The following CACNA1C variants were observed in gnomAD, a reference collection of about 807,000 sequenced individuals.
CACNA1C encodes calcium voltage-gated channel subunit alpha1 C, also known as voltage-dependent L-type calcium channel subunit alpha-1C.
Under a neutral mutation model 229.0 loss-of-function variants are expected in CACNA1C, and 30 were observed. The observed-to-expected ratio is 0.13, with a 90% CI of 0.10 to 0.18. The LOEUF (loss-of-function observed/expected upper bound fraction) is 0.18, where lower values mean the gene tolerates loss of function less well. Among genes scored for constraint, CACNA1C ranks in the 10% least tolerant of loss-of-function variants. The pLI, the probability that CACNA1C is intolerant of heterozygous loss-of-function variation, is 1.00. For missense variants in CACNA1C, 1,658 were observed against 2,845.0 expected (o/e 0.58, Z 9.49); for synonymous variants, 1,114 against 1,132.5 (o/e 0.98, Z 0.33).
At chr12:2,057,683 ACGTCTGTTCCCTTC>A (rs2055722610) in intron 1 of CACNA1C, among the ~76,000 whole-genome samples, 2 of 152,076 alleles carry the variant, frequency 1.3e-5, no homozygotes, top group Admixed American at 1.3e-4. Flanking sequence ...CTTCCCACAG[ACGTCTGTTCCCTTC>A]CAGCACAGAC....
chr12:2,411,729 T>G (rs1039020998), intron 3 of CACNA1C, among the ~76,000 whole-genome samples: 2 of 152,202 alleles, frequency 1.3e-5, no homozygotes, highest in African/African-American at 2.4e-5. Flanking sequence ...TCCTCAGGTG[T>G]GTGCAGGGGA....
chr12:2,376,606 C>T (rs2098078067), intron 3 of CACNA1C, among the ~76,000 whole-genome samples: 1 of 152,128 alleles, frequency 6.6e-6, no homozygotes, highest in Admixed American at 6.5e-5. Flanking sequence ...AAGGATTGTC[C>T]TACCTTTCTG....
chr12:2,193,168 G>A (rs756076029), intron 3 of CACNA1C, among the ~76,000 whole-genome samples: 2 of 152,234 alleles, frequency 1.3e-5, no homozygotes, highest in Admixed American at 6.5e-5. Flanking sequence ...AACTTGTCAC[G>A]TCAAGGCCGG....
chr12:2,415,463 C>T (rs1253133546), intron 3 of CACNA1C, among the ~76,000 whole-genome samples: 1 of 152,206 alleles, frequency 6.6e-6, no homozygotes, highest in Non-Finnish European at 1.5e-5. Flanking sequence ...AGGAAATATT[C>T]AGCTTTTCTT....
chr12:2,548,211 G>A (rs1279884979), intron 9 of CACNA1C, among the ~76,000 whole-genome samples: 2 of 152,132 alleles, frequency 1.3e-5, no homozygotes, highest in South Asian at 4.1e-4. Context: ...CCATCCCTAA[G>A]GGCTGGTCTC....
chr12:2,396,586 C>A (rs1002655552), intron 3 of CACNA1C, among the ~76,000 whole-genome samples: 1 of 152,166 alleles, frequency 6.6e-6, no homozygotes, highest in African/African-American at 2.4e-5. Context: ...GCTGAGGATC[C>A]CAAAACTTAG....
chr12:2,140,357 C>T (rs1413860954), intron 3 of CACNA1C, among the ~76,000 whole-genome samples: 1 of 151,410 alleles, frequency 6.6e-6, no homozygotes, highest in Non-Finnish European at 1.5e-5. Context: ...GGTGTCTGTT[C>T]TTAACACAGT....
upstream of CACNA1C, among the ~76,000 whole-genome samples, chr12:2,048,827 G>C (rs2051553007): frequency 6.6e-6 from 1 of 152,160 alleles, no homozygotes; most frequent in Admixed American, 6.5e-5. Flanking sequence ...TGGCAACCTG[G>C]CTTTTCAAGC....
chr12:2,624,160 C>T (rs111727975), intron 29 of CACNA1C, among the ~76,000 whole-genome samples: 496 of 152,260 alleles, frequency 3.3e-3, no homozygotes, highest in African/African-American at 9.9e-3. Context: ...TTTTTTGTAA[C>T]GCCGATGAAC....
rs1391136601 is a variant in CACNA1C at position 2,593,251 on chromosome 12, C to G, written c.2569C>G (p.Pro857Ala). Residue 857 changes from proline (P) to alanine (A), a missense_variant, in exon 19 of 47, where the codon CCT becomes GCT. Pro to Ala is a conservative substitution (Grantham distance 27). Transcript: ENST00000399655. The stretch of plus-strand genomic sequence containing the variant: ...GGAGGAGCCAGAGATGCCTGTCGGC[C>G]CTCGCCCACGACCACTCTCTGAGCT... ...DEEEPEMPVG[P>A]RPRPLSELHL... The G allele has an allele frequency of 2.5e-6, 4 of 1,613,616 alleles. No individual in the cohort carries two copies. The highest frequency in any genetic ancestry group is 3.4e-6 in the Non-Finnish European group (4 of 1,179,814).
chr12:2,352,909 G>A (rs2097248737), intron 3 of CACNA1C, among the ~76,000 whole-genome samples: 1 of 152,184 alleles, frequency 6.6e-6, no homozygotes, highest in Non-Finnish European at 1.5e-5. Flanking sequence ...GCAGTGGCGA[G>A]GACCAAATCA....
At chr12:2,686,133 G>T (rs139824963) in intron 44 of CACNA1C, 33 bp from the exon 45 acceptor site, 1 of 1,558,958 alleles carries the variant, frequency 6.4e-7, no homozygotes, top group Non-Finnish European at 8.9e-7. Flanking sequence ...CTGTTTTCCT[G>T]CCCTGATGGT....
chr12:2,508,485 A>G (rs1346511486), intron 8 of CACNA1C, among the ~76,000 whole-genome samples: 2 of 152,240 alleles, frequency 1.3e-5, no homozygotes, highest in African/African-American at 4.8e-5. Context: ...CCCTTTCTCT[A>G]CAAAGAAAAT....
At chr12:2,550,513 G>A (rs752383052) in intron 10 of CACNA1C, 1 of 1,341,298 alleles carries the variant, frequency 7.5e-7, no homozygotes, top group African/African-American at 1.5e-5. Flanking sequence ...TGGCATGTGG[G>A]TCCTTACCTG....
At chr12:2,238,703 GGAA>G (rs1228082543) in intron 3 of CACNA1C, among the ~76,000 whole-genome samples, 1 of 152,172 alleles carries the variant, frequency 6.6e-6, no homozygotes, top group Non-Finnish European at 1.5e-5. Context: ...AGAGTGTCCT[GGAA>G]AGGTGTTCCC....
At chr12:2,457,339 G>A (rs557420610) in intron 4 of CACNA1C, among the ~76,000 whole-genome samples, 51 of 152,304 alleles carry the variant, frequency 3.3e-4, no homozygotes, top group African/African-American at 1.2e-3. Context: ...CCCTCAGCTC[G>A]CTCAGGCCTC....
intron 9 of CACNA1C, among the ~76,000 whole-genome samples, chr12:2,526,787 A>G (rs1257613690): frequency 6.6e-6 from 1 of 152,240 alleles, no homozygotes; most frequent in Non-Finnish European, 1.5e-5. Flanking sequence ...TAAGAAGAGA[A>G]TGAATAAAGA....
intron 3 of CACNA1C, among the ~76,000 whole-genome samples, chr12:2,270,635 C>T (rs2084516998): frequency 6.6e-6 from 1 of 152,198 alleles, no homozygotes; most frequent in Non-Finnish European, 1.5e-5. Context: ...CAGACAGGAA[C>T]TCAGGAGGCC....
In CACNA1C at chr12:2,677,393, C is replaced by A. The variant is rs950484916; in HGVS notation, c.4956+172C>A. The A allele has an allele frequency of 1.4e-6, 1 of 701,018 alleles. No homozygotes were observed. 43.4% of individuals were successfully genotyped at this position (701,018 alleles called of 1,614,324 possible). ...ATGGCTGTGAGAAGGGGGTGATGTG[C>A]CCTTCCCTACCTGCCACCCACCGAC... On this transcript the variant is annotated intron_variant, in intron 40 of 46. Coordinates refer to ENST00000399655, the MANE Select transcript of CACNA1C (RefSeq NM_000719.7). This position sits in a 1 kb window ranked among gnomAD's most constrained non-coding sequence, Gnocchi z 7.4.
Sources: allele counts gnomAD v4.1 joint callset (sites outside exome capture counted in the v4.1 genomes callset), GRCh38; gene constraint gnomAD v4.1.1; non-coding constraint Gnocchi (gnomAD v3.1); transcripts MANE v1.5; gene names NCBI Gene and HGNC (gene_info 2026-07-23, HGNC 2026-07-21).